Variants in SEMA6D observed in about 807,000 individuals in gnomAD.
SEMA6D encodes the protein semaphorin 6D, also known as semaphorin-6D.
In SEMA6D, 35 loss-of-function variants were observed where a neutral mutation model predicts 106.6. That is an observed-to-expected ratio of 0.33 (90% CI 0.25 to 0.44). SEMA6D has a LOEUF of 0.44. Ranked by LOEUF, SEMA6D falls within the 20% of genes least tolerant of loss-of-function variation. The pLI is 1.00. For missense variants in SEMA6D, 1,185 were observed against 1,345.9 expected, an observed-to-expected ratio of 0.88 and a Z score of 1.87; for synonymous variants, 499 against 487.7, an observed-to-expected ratio of 1.02 and a Z score of -0.31.
At chr15:47,223,125 A>G (rs1275259890) in intron 1 of SEMA6D, among the ~76,000 whole-genome samples, 1 of 150,266 alleles carries the variant, frequency 6.7e-6, no homozygotes, top group Non-Finnish European at 1.5e-5. Context: ...TTAGAAAGAC[A>G]CACCATAGTG....
At chr15:47,723,057 C>T (rs1156583309) in intron 1 of SEMA6D, among the ~76,000 whole-genome samples, 3 of 152,180 alleles carry the variant, frequency 2.0e-5, no homozygotes, top group African/African-American at 4.8e-5. Flanking sequence ...CTTCCAAGAA[C>T]ACAGACCACC....
intron 3 of SEMA6D, among the ~76,000 whole-genome samples, chr15:47,494,237 A>G (rs116206665): frequency 1.9e-3 from 286 of 152,252 alleles, no homozygotes; most frequent in African/African-American, 6.6e-3. Context: ...GGGAATTACT[A>G]TAAACAGCAA....
chr15:47,543,326 C>T (rs759843638), intron 3 of SEMA6D, among the ~76,000 whole-genome samples: 6 of 152,062 alleles, frequency 3.9e-5, no homozygotes, highest in Non-Finnish European at 7.4e-5. Flanking sequence ...ATAATTGAAT[C>T]ATGGGGGTGG....
At chr15:47,484,750 A>G (rs887091504) in intron 3 of SEMA6D, among the ~76,000 whole-genome samples, 3 of 150,644 alleles carry the variant, frequency 2.0e-5, no homozygotes, top group East Asian at 3.9e-4. Context: ...GGCCTACACT[A>G]TGTATATCCT....
chr15:47,608,116 T>A (rs933898137), intron 4 of SEMA6D, among the ~76,000 whole-genome samples: 3 of 152,236 alleles, frequency 2.0e-5, no homozygotes, highest in African/African-American at 7.2e-5. Context: ...AATATTATTA[T>A]GGAATGGTTC....
At chr15:47,415,359 C>G (rs766126169) in intron 2 of SEMA6D, among the ~76,000 whole-genome samples, 1 of 152,096 alleles carries the variant, frequency 6.6e-6, no homozygotes, top group Non-Finnish European at 1.5e-5. Context: ...GTTTACAATA[C>G]AATCCCTGTC....
chr15:47,766,039 G>A (rs1159274672), intron 14 of SEMA6D, 30 bp downstream of exon 14: 1 of 1,611,146 alleles, frequency 6.2e-7, no homozygotes, highest in Non-Finnish European at 8.5e-7. Flanking sequence ...CTTACCCTGG[G>A]TCTTGCAGTA....
At chr15:47,593,847 A>G (rs8037900) in intron 3 of SEMA6D, among the ~76,000 whole-genome samples, 3,422 of 152,180 alleles carry the variant, frequency 0.022, 132 homozygotes, top group African/African-American at 0.079. Flanking sequence ...AGTGCTACAC[A>G]CTTAAACAAC....
intron 1 of SEMA6D, among the ~76,000 whole-genome samples, chr15:47,225,034 C>T (rs2031536063): frequency 6.6e-6 from 1 of 151,908 alleles, no homozygotes; most frequent in Non-Finnish European, 1.5e-5. Context: ...TGGCATTTCC[C>T]AATCTTGAGC....
chr15:47,625,709 A>G (rs972327953), intron 4 of SEMA6D, among the ~76,000 whole-genome samples: 1 of 151,508 alleles, frequency 6.6e-6, no homozygotes, highest in African/African-American at 2.4e-5. Context: ...AATAATAATA[A>G]TAATAATAAT....
intron 1 of SEMA6D, among the ~76,000 whole-genome samples, chr15:47,283,101 C>T (rs931484194): frequency 6.6e-6 from 1 of 152,158 alleles, no homozygotes; most frequent in African/African-American, 2.4e-5. Flanking sequence ...GAAAGCCCTT[C>T]ACAGTGGTTT....
intron 1 of SEMA6D, among the ~76,000 whole-genome samples, chr15:47,725,968 A>G (rs527448870): frequency 2.0e-5 from 3 of 152,382 alleles, no homozygotes; most frequent in South Asian, 2.1e-4. Flanking sequence ...AAATAGGTCA[A>G]TAGGGAAAAA....
chr15:47,286,825 C>T (rs1409219769), intron 1 of SEMA6D, among the ~76,000 whole-genome samples: 1 of 152,080 alleles, frequency 6.6e-6, no homozygotes, highest in Non-Finnish European at 1.5e-5. Context: ...AAACCCCCTC[C>T]CTTATATTCA....
chr15:47,674,652 G>A (rs368145776), intron 4 of SEMA6D, among the ~76,000 whole-genome samples: 113 of 152,216 alleles, frequency 7.4e-4, no homozygotes, highest in South Asian at 3.5e-3. Flanking sequence ...CTTTTAAACC[G>A]AAAGGCTAAA....
intron 1 of SEMA6D, among the ~76,000 whole-genome samples, chr15:47,319,499 A>G (rs1189135431): frequency 1.3e-5 from 2 of 152,076 alleles, no homozygotes; most frequent in African/African-American, 4.8e-5. Flanking sequence ...ATTGGTCTCT[A>G]GACTGTGAAC....
intron 1 of SEMA6D, among the ~76,000 whole-genome samples, chr15:47,184,738 G>GCCCCACCTCTTGC (rs1396131513): frequency 6.6e-6 from 1 of 152,188 alleles, no homozygotes; most frequent in Non-Finnish European, 1.5e-5. Flanking sequence ...ATGGCTCGTG[G>GCCCCACCTCTTGC]CCCCACCTCT....
intron 1 of SEMA6D, among the ~76,000 whole-genome samples, chr15:47,315,345 A>G (rs2036622786): frequency 6.6e-6 from 1 of 152,158 alleles, no homozygotes; most frequent in Non-Finnish European, 1.5e-5. Context: ...CGTTTGTTGA[A>G]CAGACTATCT....
chr15:47,416,464 A>G (rs1434216065), intron 2 of SEMA6D, among the ~76,000 whole-genome samples: 1 of 152,088 alleles, frequency 6.6e-6, no homozygotes, highest in African/African-American at 2.4e-5. Context: ...AAAATACTCC[A>G]CCCAAATTTC....
intron 1 of SEMA6D, among the ~76,000 whole-genome samples, chr15:47,350,573 A>G (rs2038284113): frequency 6.6e-6 from 1 of 152,058 alleles, no homozygotes; most frequent in African/African-American, 2.4e-5. Context: ...CTTAAACACG[A>G]TTTTGATGTT....
Sources: gnomAD v4.1 joint callset for allele counts (sites outside exome capture counted in the v4.1 genomes callset) on GRCh38, gnomAD v4.1.1 for gene constraint, MANE v1.5 for transcripts, NCBI Gene and HGNC (gene_info 2026-07-23, HGNC 2026-07-21) for gene names.